Variants in PPP1R3A observed in about 807,000 individuals in gnomAD.
The protein encoded by PPP1R3A is RG1.
PPP1R3A carries 29 observed loss-of-function variants against 41.7 expected under a neutral mutation model. That is an observed-to-expected ratio of 0.70 (90% CI 0.52 to 0.95). The LOEUF (loss-of-function observed/expected upper bound fraction) is 0.95, where lower values mean the gene tolerates loss of function less well. Ranked by LOEUF, PPP1R3A falls within the 40% of genes least tolerant of loss-of-function variation. The pLI is 0.00. For synonymous variants in PPP1R3A, 485 were observed against 453.4 expected (o/e 1.07, Z -0.89); for missense variants, 1,352 against 1,292.4 (o/e 1.05, Z -0.71).
Position 113,878,850 on chromosome 7 carries a change from C to G in PPP1R3A, c.2242G>C (p.Glu748Gln). The change falls in exon 4 of 4, where the codon GAA (glutamate) becomes CAA (glutamine). Residue 748 changes from glutamate (E) to glutamine (Q), a missense_variant. Glu to Gln is a conservative substitution (Grantham distance 29, BLOSUM62 2). Coordinates refer to ENST00000284601, the MANE Select transcript of PPP1R3A (RefSeq NM_002711.4). ...GGTAGCTTAGCAATTATTGCTTTTT[C>G]TCTAGCAGACATGCTTTCTGGAGTA... ...ESTPESMSAR[E>Q]KAIIAKLPQE... The G allele has an allele frequency of 6.2e-7, 1 of 1,613,188 alleles. No individual in the cohort carries two copies. Among genetic ancestry groups the G allele is most frequent in the Non-Finnish European group, 8.5e-7 (1 of 1,179,764 alleles).
intron 1 of PPP1R3A, among the ~76,000 whole-genome samples, chr7:113,903,775 T>C (rs897712855): frequency 6.6e-6 from 1 of 151,744 alleles, no homozygotes; most frequent in Non-Finnish European, 1.5e-5. Flanking sequence ...AGCAAGACTG[T>C]ACAACTCTTT....
rs1796661028 is a variant in PPP1R3A at position 113,880,014 on chromosome 7, G to C, written c.1078C>G (p.Gln360Glu). The change falls in exon 4 of 4, where the codon CAA (glutamine) becomes GAA (glutamate). Residue 360 changes from glutamine to glutamate, a missense_variant. Gln to Glu is a conservative substitution (Grantham distance 29, BLOSUM62 2). Transcript: ENST00000284601. ...TCAGTACATATTTCACCATGGATTT[G>C]CTTCTTCTCTAACCCCTCTGCTTTA... ...PNKAEGLEKK[Q>E]IHGEICTDLF... The C allele has an allele frequency of 6.2e-7, 1 of 1,612,438 alleles. No individual in the cohort carries two copies. Among genetic ancestry groups the C allele is most frequent in the African/African-American group, 1.3e-5 (1 of 74,946 alleles).
chr7:113,887,202 A>G (rs937114506), intron 1 of PPP1R3A, among the ~76,000 whole-genome samples: 4 of 152,090 alleles, frequency 2.6e-5, no homozygotes, highest in Non-Finnish European at 5.9e-5. Flanking sequence ...AATGTTTTCA[A>G]TTATGGAGTC....
At chr7:113,914,998 A>C (rs1440475963) in intron 1 of PPP1R3A, among the ~76,000 whole-genome samples, 1 of 152,132 alleles carries the variant, frequency 6.6e-6, no homozygotes, top group African/African-American at 2.4e-5. Flanking sequence ...AAAACCCATC[A>C]GATATATCAG....
intron 3 of PPP1R3A, 113 bp downstream of exon 3, chr7:113,881,926 C>G (rs1298912727): frequency 2.4e-6 from 3 of 1,268,812 alleles, no homozygotes; most frequent in Non-Finnish European, 3.4e-6. Context: ...ATAGGCTGTG[C>G]TTTCACATTT....
intron 1 of PPP1R3A, among the ~76,000 whole-genome samples, chr7:113,910,027 CAA>C (rs796869555): frequency 1.5e-4 from 23 of 152,144 alleles, no homozygotes; most frequent in African/African-American, 5.1e-4. Context: ...TGACGGAAGA[CAA>C]AGAAGCGAAG....
At position 113,918,437 on chromosome 7, in the gene PPP1R3A, T is replaced by G. The variant is rs1186316508; in HGVS notation, c.560A>C (p.Gln187Pro). The change falls in exon 1 of 4, where the codon CAG (glutamine) becomes CCG (proline). Residue 187 changes from glutamine to proline, a missense_variant. Physicochemically the swap from Gln to Pro is moderately conservative, Grantham distance 76. Coordinates refer to ENST00000284601, the MANE Select transcript of PPP1R3A (RefSeq NM_002711.4). ...AACCAATACAATCTTAAAGGAGAAC[T>G]GGTCAGTTTCACCATCACATGAATT... The part of the protein sequence containing the change: ...VPNSCDGETD[Q>P]FSFKIVLVPP... 1.2e-6 allele frequency: 2 copies of G among 1,613,396 alleles called. No individual in the cohort carries two copies. Among genetic ancestry groups the G allele is most frequent in the Middle Eastern group, 1.7e-4 (1 of 6,058 alleles).
intron 1 of PPP1R3A, among the ~76,000 whole-genome samples, chr7:113,914,589 G>A (rs1797308634): frequency 6.6e-6 from 1 of 152,146 alleles, no homozygotes. Flanking sequence ...AATGAAAGAG[G>A]AGAAGAACTT....
At chr7:113,894,594 C>G (rs1353965615) in intron 1 of PPP1R3A, among the ~76,000 whole-genome samples, 1 of 151,870 alleles carries the variant, frequency 6.6e-6, no homozygotes, top group Non-Finnish European at 1.5e-5. Context: ...TACCTACAGC[C>G]TTCAAAAATA....
At chr7:113,887,636 T>G (rs1160407774) in intron 1 of PPP1R3A, among the ~76,000 whole-genome samples, 3 of 152,152 alleles carry the variant, frequency 2.0e-5, no homozygotes, top group African/African-American at 7.2e-5. Flanking sequence ...GTTACTAACA[T>G]TCTGATTTAG....
chr7:113,910,070 C>T (rs1284009350), intron 1 of PPP1R3A, among the ~76,000 whole-genome samples: 1 of 151,972 alleles, frequency 6.6e-6, no homozygotes, highest in Non-Finnish European at 1.5e-5. Context: ...GGCAAGACAG[C>T]TTGTGCAGGT....
At position 113,879,024 on chromosome 7, in the gene PPP1R3A, C is replaced by T; in HGVS notation, c.2068G>A (p.Asp690Asn). 6.2e-7 allele frequency: 1 copy of T among 1,613,602 alleles called. No individual in the cohort carries two copies. The highest frequency in any genetic ancestry group is 8.5e-7 in the Non-Finnish European group (1 of 1,179,784). Residue 690 changes from aspartate to asparagine, a missense_variant, in exon 4 of 4, where the codon GAT (aspartate) becomes AAT (asparagine). Coordinates refer to ENST00000284601, the MANE Select transcript of PPP1R3A (RefSeq NM_002711.4). Reference sequence around the variant, plus strand: ...GTAGCTTTCAAACTCCTCGTATTATCTCTTTTTCCCCACACGTCTTCACAA... The same window carrying T: ...GTAGCTTTCAAACTCCTCGTATTATTTCTTTTTCCCCACACGTCTTCACAA... ...TDCEDVWGKR[D>N]NTRSLKATTE...
intron 1 of PPP1R3A, among the ~76,000 whole-genome samples, chr7:113,892,940 A>G (rs1796917700): frequency 6.6e-6 from 1 of 151,996 alleles, no homozygotes; most frequent in Admixed American, 6.6e-5. Flanking sequence ...TGGGCATCAC[A>G]TTTCTTATGT....
Position 113,878,028 on chromosome 7 carries a change from C to T in PPP1R3A, c.3064G>A (p.Glu1022Lys). ...ILINKPLENM[E>K]EARHENEGLV... ...CCTTCATTTTCATGCCTTGCTTCTT[C>T]CATATTCTCAAGAGGTTTGTTGATT... Residue 1022 changes from glutamate (E) to lysine (K), a missense_variant, in exon 4 of 4, where the codon GAA becomes AAA. Coordinates refer to ENST00000284601, the MANE Select transcript of PPP1R3A (RefSeq NM_002711.4). 6.2e-7 allele frequency: 1 copy of T among 1,613,226 alleles called. No individual in the cohort carries two copies. Among genetic ancestry groups the T allele is most frequent in the East Asian group, 2.2e-5 (1 of 44,818 alleles).
At chr7:113,911,138 C>T (rs911816140) in intron 1 of PPP1R3A, among the ~76,000 whole-genome samples, 2 of 151,930 alleles carry the variant, frequency 1.3e-5, no homozygotes, top group Non-Finnish European at 2.9e-5. Context: ...GGTCTCTGTC[C>T]CTGAGCAATG....
Position 113,877,554 on chromosome 7 carries a change from T to C in PPP1R3A, c.*169A>G. ...TAATGATCCAAACATAATGGTCCTA[T>C]ATAGAATAATTACTTATATGAAGGA... On this transcript the variant is annotated 3_prime_UTR_variant, in exon 4 of 4. Transcript: ENST00000284601. 1.5e-6 allele frequency: 1 copy of C among 682,858 alleles called. No individual in the cohort carries two copies. The highest frequency in any genetic ancestry group is 2.4e-6 in the Non-Finnish European group (1 of 419,250). The allele number at this position is 682,858 out of a possible 1,614,324, so 42.3% of individuals were successfully genotyped here. A position where few individuals can be genotyped will look rare whatever the true frequency, so the allele number is the denominator to read the frequency against.
At position 113,918,774 on chromosome 7, in the gene PPP1R3A, C is replaced by T; in HGVS notation, c.223G>A (p.Val75Met). Residue 75 changes from valine to methionine, a missense_variant, in exon 1 of 4, where the codon GTG (valine) becomes ATG (methionine). By Grantham distance (21) the Val-to-Met change is conservative (BLOSUM62 1). Coordinates refer to ENST00000284601, the MANE Select transcript of PPP1R3A (RefSeq NM_002711.4). ...CAGCAATCAAATTCTTTAACAGACACAAGATTGAATCCAAAGGAATCAGCA... is the reference window on the plus strand; with the variant it reads ...CAGCAATCAAATTCTTTAACAGACATAAGATTGAATCCAAAGGAATCAGCA... The part of the protein sequence containing the change: ...SFADSFGFNL[V>M]SVKEFDCWEL... 1 of 1,613,824 alleles carries T rather than the reference C, an allele frequency of 6.2e-7. No homozygotes were observed. Among genetic ancestry groups the T allele is most frequent in the Non-Finnish European group, 8.5e-7 (1 of 1,179,856 alleles).
At chr7:113,897,565 GAAAA>G (rs11336103) in intron 1 of PPP1R3A, among the ~76,000 whole-genome samples, 1 of 144,148 alleles carries the variant, frequency 6.9e-6, no homozygotes, top group Admixed American at 7.0e-5. Flanking sequence ...TCTCTTAAAG[GAAAA>G]AAAAAAAAAA....
chr7:113,881,482 AT>A (rs1796695136), intron 3 of PPP1R3A, among the ~76,000 whole-genome samples: 1 of 151,976 alleles, frequency 6.6e-6, no homozygotes, highest in Non-Finnish European at 1.5e-5. Flanking sequence ...TTTATAACAA[AT>A]TTAATACTAA....
Sources: allele counts gnomAD v4.1 joint callset (sites outside exome capture counted in the v4.1 genomes callset), GRCh38; gene constraint gnomAD v4.1.1; transcripts MANE v1.5; gene names NCBI Gene and HGNC (gene_info 2026-07-23, HGNC 2026-07-21).